The following GRAMD1B variants were observed in gnomAD, a reference collection of about 807,000 sequenced individuals.
GRAMD1B encodes protein Aster-B.
GRAMD1B carries 37 observed loss-of-function variants against 99.7 expected under a neutral mutation model. That is an observed-to-expected ratio of 0.37 (90% CI 0.29 to 0.49). The LOEUF is 0.49. GRAMD1B is among the 20% of genes least tolerant of loss of function. The pLI, the probability that GRAMD1B is intolerant of heterozygous loss-of-function variation, is 0.98. For missense variants in GRAMD1B, 888 were observed against 1,009.2 expected, an observed-to-expected ratio of 0.88 and a Z score of 1.63; for synonymous variants, 427 against 387.6, an observed-to-expected ratio of 1.10 and a Z score of -1.19.
chr11:123,391,073 C>G (rs968286328), intron 1 of GRAMD1B, among the ~76,000 whole-genome samples: 1 of 152,224 alleles, frequency 6.6e-6, no homozygotes, highest in African/African-American at 2.4e-5. Context: ...AAACTTGGCC[C>G]TTCTTGCTGG....
chr11:123,454,218 T>A (rs1184824484), intron 1 of GRAMD1B, among the ~76,000 whole-genome samples: 1 of 152,230 alleles, frequency 6.6e-6, no homozygotes, highest in Non-Finnish European at 1.5e-5. Context: ...TGAAATAAGA[T>A]AAGGCATCTC....
chr11:123,419,698 AGTGTGTGTGTGT>A (rs3222403), intron 1 of GRAMD1B, among the ~76,000 whole-genome samples: 13,841 of 134,072 alleles, frequency 0.1, 819 homozygotes, highest in East Asian at 0.16. Flanking sequence ...GGAATTTCTA[AGTGTGTGTGTGT>A]GTGTGTGTGT....
At chr11:123,444,200 C>T (rs1433622448) in intron 1 of GRAMD1B, among the ~76,000 whole-genome samples, 2 of 152,126 alleles carry the variant, frequency 1.3e-5, no homozygotes, top group African/African-American at 2.4e-5. Flanking sequence ...CTTTGCAGGG[C>T]CATTTCAAAA....
At position 123,622,930 on chromosome 11, in the gene GRAMD1B, A is replaced by G. The variant is rs916758832; in HGVS notation, c.*335A>G. The G allele has an allele frequency of 6.5e-6, 1 of 152,840 alleles. No homozygotes were observed. The highest frequency in any genetic ancestry group is 6.6e-5 in the Admixed American group (1 of 15,252). 9.5% of individuals were successfully genotyped at this position (152,840 alleles called of 1,614,324 possible). ...GCTTTTAGAAGGGAAATGTTGAGCC[A>G]AAGTTATGCCTGCGAAGACCCTAAG... On this transcript the variant is annotated 3_prime_UTR_variant, in exon 20 of 20. Coordinates refer to ENST00000635736, the MANE Select transcript of GRAMD1B (RefSeq NM_001387025.1).
At chr11:123,440,809 G>T (rs1375996769) in intron 1 of GRAMD1B, among the ~76,000 whole-genome samples, 1 of 152,138 alleles carries the variant, frequency 6.6e-6, no homozygotes, top group African/African-American at 2.4e-5. Flanking sequence ...TGGCTTGGCT[G>T]CGTCCCCACC....
At chr11:123,443,974 A>G (rs1403846879) in intron 1 of GRAMD1B, among the ~76,000 whole-genome samples, 1 of 152,184 alleles carries the variant, frequency 6.6e-6, no homozygotes, top group East Asian at 1.9e-4. Context: ...GGGTTAAGAT[A>G]AGGGGTTGTG....
chr11:123,367,268 C>A (rs1946350267), intron 1 of GRAMD1B, among the ~76,000 whole-genome samples: 1 of 152,174 alleles, frequency 6.6e-6, no homozygotes, highest in Non-Finnish European at 1.5e-5. Flanking sequence ...AGACATAATT[C>A]TTTCTTCATA....
In GRAMD1B at chr11:123,625,110, T is replaced by G. The variant is rs1169380286; in HGVS notation, c.*2515T>G. Reference sequence around the variant, plus strand: ...TCTATTCATTCCCAAACAAAATCTCTTCCCCCTTAGTCAATAGCTTGCGAA... The same window carrying G: ...TCTATTCATTCCCAAACAAAATCTCGTCCCCCTTAGTCAATAGCTTGCGAA... On this transcript the variant is annotated 3_prime_UTR_variant, in exon 20 of 20. Coordinates refer to ENST00000635736, the MANE Select transcript of GRAMD1B (RefSeq NM_001387025.1). The G allele has an allele frequency of 1.3e-5, 2 of 152,198 alleles. No individual in the cohort carries two copies. Among genetic ancestry groups the G allele is most frequent in the Non-Finnish European group, 2.9e-5 (2 of 68,026 alleles). 9.4% of individuals were successfully genotyped at this position (152,198 alleles called of 1,614,324 possible).
intron 1 of GRAMD1B, among the ~76,000 whole-genome samples, chr11:123,392,460 G>A (rs1448033109): frequency 6.6e-6 from 1 of 151,678 alleles, no homozygotes; most frequent in Non-Finnish European, 1.5e-5. Context: ...AAGGTTGGTT[G>A]ACTCAGATTA....
upstream of GRAMD1B, among the ~76,000 whole-genome samples, chr11:123,429,576 G>C (rs891462984): frequency 6.6e-6 from 1 of 152,174 alleles, no homozygotes; most frequent in Non-Finnish European, 1.5e-5. The surrounding 1 kb of genome is among the most constrained non-coding windows in gnomAD (Gnocchi z 4.0). Context: ...ATTGCTTTGT[G>C]GGTGCTCACC....
intron 2 of GRAMD1B, among the ~76,000 whole-genome samples, chr11:123,540,918 T>C (rs529211624): frequency 1.3e-5 from 2 of 152,036 alleles, no homozygotes; most frequent in East Asian, 3.9e-4. Flanking sequence ...AGCTTATCTG[T>C]AGTTTTTTTT....
At chr11:123,405,111 G>T (rs921089390) in intron 1 of GRAMD1B, among the ~76,000 whole-genome samples, 11 of 151,944 alleles carry the variant, frequency 7.2e-5, no homozygotes, top group African/African-American at 2.7e-4. Flanking sequence ...GAGAGAATTT[G>T]GTAGAAGTTG....
chr11:123,600,295 C>T (rs1951792461), intron 7 of GRAMD1B, among the ~76,000 whole-genome samples, 173 bp from the exon 8 acceptor site: 1 of 152,200 alleles, frequency 6.6e-6, no homozygotes, highest in Non-Finnish European at 1.5e-5. Flanking sequence ...GTACCCAGGC[C>T]TCTGGTGTGC....
Position 123,591,409 on chromosome 11 carries a change from G to A in GRAMD1B, c.685-2673G>A, listed in dbSNP as rs971527413. ...CGTGCTGGGCAATGGAATCACTGAC[G>A]GAGTCGGGGGTCCTCTGGAGCCTTC... On this transcript the variant is annotated intron_variant, in intron 4 of 19. Coordinates refer to ENST00000635736, the MANE Select transcript of GRAMD1B (RefSeq NM_001387025.1). This position sits in a 1 kb window ranked among gnomAD's most constrained non-coding sequence, Gnocchi z 4.7. 3.3e-5 allele frequency: 13 copies of A among 399,022 alleles called. No individual in the cohort carries two copies. The highest frequency in any genetic ancestry group is 1.1e-4 in the East Asian group (3 of 28,088). The allele number at this position is 399,022 out of a possible 1,614,324, so 24.7% of individuals were successfully genotyped here.
intron 5 of GRAMD1B, 26 bp from the exon 6 acceptor site, chr11:123,594,709 C>CT: frequency 8.2e-7 from 1 of 1,218,668 alleles, no homozygotes; most frequent in Non-Finnish European, 1.2e-6. Context: ...TGCCTCTGAG[C>CT]TCCCCTACCT....
intron 1 of GRAMD1B, among the ~76,000 whole-genome samples, chr11:123,461,203 T>A (rs963253191): frequency 5.3e-5 from 8 of 152,224 alleles, no homozygotes; most frequent in African/African-American, 1.9e-4. Context: ...AATGTTCTTG[T>A]CAGTTCAGTC....
At chr11:123,435,537 G>A (rs1342931456) in intron 1 of GRAMD1B, 1 of 681,540 alleles carries the variant, frequency 1.5e-6, no homozygotes, top group African/African-American at 1.8e-5. Flanking sequence ...GGAACAAATG[G>A]TAAAGACAGC....
chr11:123,542,080 T>G (rs755961031), intron 2 of GRAMD1B, among the ~76,000 whole-genome samples: 1 of 152,234 alleles, frequency 6.6e-6, no homozygotes, highest in Non-Finnish European at 1.5e-5. Flanking sequence ...TCAGCCACTT[T>G]ATTTTATGCC....
intron 1 of GRAMD1B, among the ~76,000 whole-genome samples, chr11:123,397,225 G>A (rs1009239793): frequency 1.3e-5 from 2 of 152,036 alleles, no homozygotes; most frequent in African/African-American, 2.4e-5. Context: ...CCAACATGGC[G>A]AAATGCCATC....
Sources: allele counts gnomAD v4.1 joint callset (sites outside exome capture counted in the v4.1 genomes callset), GRCh38; gene constraint gnomAD v4.1.1; non-coding constraint Gnocchi (gnomAD v3.1); transcripts MANE v1.5; gene names NCBI Gene and HGNC (gene_info 2026-07-23, HGNC 2026-07-21).